The following SH3TC1 variants were observed in gnomAD, a reference collection of about 807,000 sequenced individuals.
SH3TC1 encodes the protein SH3 domain and tetratricopeptide repeat-containing protein 1.
SH3TC1 carries 135 observed loss-of-function variants against 117.3 expected under a neutral mutation model. The ratio of observed to expected loss-of-function variants is 1.15; its 90% CI spans 1.00 to 1.33. SH3TC1 has a LOEUF of 1.33. SH3TC1 is among the 40% of genes most tolerant of loss of function. SH3TC1 has a pLI of 0.00. For synonymous variants in SH3TC1, 898 were observed against 816.9 expected, an observed-to-expected ratio of 1.10 and a Z score of -1.69; for missense variants, 2,092 against 1,794.3, an observed-to-expected ratio of 1.17 and a Z score of -3.00.
intron 7 of SH3TC1, among the ~76,000 whole-genome samples, chr4:8,217,546 G>A (rs1333289666): frequency 6.6e-6 from 1 of 152,246 alleles, no homozygotes; most frequent in Non-Finnish European, 1.5e-5. Flanking sequence ...TGTGAGGACA[G>A]GTGACATGCA....
intron 17 of SH3TC1, among the ~76,000 whole-genome samples, chr4:8,240,238 T>C (rs1399329539): frequency 1.3e-5 from 2 of 152,186 alleles, no homozygotes; most frequent in African/African-American, 4.8e-5. Flanking sequence ...TCAGGGAAGA[T>C]TCCCAGAGAG....
At chr4:8,204,551 C>T (rs1718042902) in intron 1 of SH3TC1, among the ~76,000 whole-genome samples, 1 of 152,226 alleles carries the variant, frequency 6.6e-6, no homozygotes, top group South Asian at 2.1e-4. Context: ...CAAGCCCTCC[C>T]TTTGGGGACA....
chr4:8,235,366 T>G, intron 14 of SH3TC1, 67 bp from the exon 15 acceptor site: 4 of 1,400,822 alleles, frequency 2.9e-6, no homozygotes, highest in East Asian at 2.6e-5. Flanking sequence ...GGCGGGGGAG[T>G]CCGACCTGGG....
rs1721931547 is a variant in SH3TC1, at chr4:8,237,538, T to C, written c.3621T>C (p.His1207=). Residue 1207 remains histidine, a synonymous_variant, in exon 17 of 18, where the codon CAT becomes CAC. Coordinates refer to ENST00000245105, the MANE Select transcript of SH3TC1 (RefSeq NM_018986.5). ...RLAALQHRLG[H]GELAEHFYLK... ...CCGCCCTGCAACACCGACTGGGCCA[T>C]GGCGAGCTGGCAGAGCACTTCTACC... is the stretch of plus-strand genomic sequence containing the variant. 3.1e-6 allele frequency: 5 copies of C among 1,609,660 alleles called. No homozygotes were observed. Among genetic ancestry groups the C allele is most frequent in the Non-Finnish European group, 2.5e-6 (3 of 1,178,720 alleles).
In SH3TC1 at chr4:8,227,639, C is replaced by A; in HGVS notation, c.1945C>A (p.Gln649Lys). The A allele has an allele frequency of 6.5e-7, 1 of 1,527,014 alleles. No homozygotes were observed. The highest frequency in any genetic ancestry group is 8.8e-7 in the Non-Finnish European group (1 of 1,140,480). 94.6% of individuals were successfully genotyped at this position (1,527,014 alleles called of 1,614,324 possible). Residue 649 changes from glutamine (Q) to lysine (K), a missense_variant, in exon 12 of 18, where the codon CAG (glutamine) becomes AAG (lysine). Coordinates refer to ENST00000245105, the MANE Select transcript of SH3TC1 (RefSeq NM_018986.5). ...CACCGAGGCGGAGGGGGAGCTCCTG[C>A]AGCTGGCGCTGCGGCGGGCGGTGGG... ...CSTEAEGELL[Q>K]LALRRAVGGQ...
chr4:8,215,148 C>T (rs1344491782), intron 5 of SH3TC1: 1 of 456,294 alleles, frequency 2.2e-6, no homozygotes, highest in Non-Finnish European at 4.4e-6. Flanking sequence ...TCACACTCTG[C>T]CCTCTGTAAT....
intron 1 of SH3TC1, among the ~76,000 whole-genome samples, chr4:8,204,529 G>GC (rs1718040092): frequency 6.6e-6 from 1 of 152,148 alleles, no homozygotes; most frequent in African/African-American, 2.4e-5. Flanking sequence ...GAACAGTGAG[G>GC]CCCCCCATGA....
In SH3TC1 at chr4:8,209,790, C is replaced by T. The variant is rs760241202; in HGVS notation, c.215C>T (p.Thr72Ile). Residue 72 changes from threonine to isoleucine, a missense_variant, in exon 3 of 18, where the codon ACC becomes ATC. Coordinates refer to ENST00000245105, the MANE Select transcript of SH3TC1 (RefSeq NM_018986.5). The surrounding 1 kb of genome is among the most constrained non-coding windows in gnomAD (Gnocchi z 5.9). Reference sequence around the variant, plus strand: ...CGCGTGGCTGGGCCTGCTGCTGGGACCCCTCCCTGCCAGATGGGGGTTTAT... The same window carrying T: ...CGCGTGGCTGGGCCTGCTGCTGGGATCCCTCCCTGCCAGATGGGGGTTTAT... ...PARVAGPAAG[T>I]PPCQMGVYPT... is the part of the protein sequence containing the mutation. 2 of 1,613,596 alleles carry T rather than the reference C, an allele frequency of 1.2e-6. No homozygotes were observed. Among genetic ancestry groups the T allele is most frequent in the Non-Finnish European group, 1.7e-6 (2 of 1,179,988 alleles).
intron 13 of SH3TC1, 35 bp downstream of exon 13, chr4:8,232,191 G>GC: frequency 2.7e-6 from 1 of 367,488 alleles, no homozygotes; most frequent in African/African-American, 2.3e-5. Context: ...GGGGCGGGGG[G>GC]AGGGGGCAAA....
chr4:8,184,377 C>T (rs1717164779), intron 1 of SH3TC1, among the ~76,000 whole-genome samples: 1 of 152,182 alleles, frequency 6.6e-6, no homozygotes, highest in South Asian at 2.1e-4. Flanking sequence ...CTGTGGGAGG[C>T]AACTTTATTC....
intron 15 of SH3TC1, 54 bp from the exon 16 acceptor site, chr4:8,236,224 C>T (rs1231217015): frequency 1.8e-5 from 27 of 1,496,060 alleles, no homozygotes; most frequent in East Asian, 2.6e-5. Flanking sequence ...CTGAGGAGGG[C>T]GCTGGGCAAG....
upstream of SH3TC1, among the ~76,000 whole-genome samples, chr4:8,197,347 A>G (rs935894301): frequency 4.6e-5 from 7 of 152,048 alleles, no homozygotes; most frequent in Non-Finnish European, 8.8e-5. Context: ...CTGTCTGGAG[A>G]CCCCAGTTTG....
intron 1 of SH3TC1, among the ~76,000 whole-genome samples, chr4:8,200,840 C>G (rs1717784645): frequency 6.6e-6 from 1 of 152,238 alleles, no homozygotes; most frequent in African/African-American, 2.4e-5. Flanking sequence ...CCACTCTCCG[C>G]CCTGGTGGTC....
intron 8 of SH3TC1, 90 bp from the exon 9 acceptor site, chr4:8,219,245 A>G (rs1002490789): frequency 6.9e-6 from 9 of 1,298,152 alleles, no homozygotes; most frequent in Non-Finnish European, 9.4e-6. Context: ...TGAATTCCCC[A>G]TGGTTCAGGG....
At chr4:8,213,624 A>G (rs1718946045) in intron 4 of SH3TC1, among the ~76,000 whole-genome samples, 1 of 152,280 alleles carries the variant, frequency 6.6e-6, no homozygotes. Flanking sequence ...TCAGCGGGAC[A>G]TGGTGGCTCA....
At chr4:8,232,815 T>A in intron 13 of SH3TC1, 1 of 1,284,766 alleles carries the variant, frequency 7.8e-7, no homozygotes, top group South Asian at 1.2e-5. Context: ...GGCCTCAGGT[T>A]CACAGCAGGA....
rs533791145 is a variant in SH3TC1, at chr4:8,237,527, C to T, written c.3610C>T (p.Arg1204Ter). ...CCACCGGCTGGCCGCCCTGCAACACCGACTGGGCCATGGCGAGCTGGCAGA... is the reference window on the plus strand; with the variant it reads ...CCACCGGCTGGCCGCCCTGCAACACTGACTGGGCCATGGCGAGCTGGCAGA... Reference protein sequence around the residue: ...AYHRLAALQHRLGHGELAEHF... With the variant: ...AYHRLAALQH The change falls in exon 17 of 18, where the codon CGA becomes TGA. Residue 1204 changes from arginine to a stop codon, truncating the protein, a stop_gained. Transcript: ENST00000245105. LOFTEE classifies it high-confidence loss of function. 3.7e-5 allele frequency: 60 copies of T among 1,608,140 alleles called. No homozygotes were observed. The highest frequency in any genetic ancestry group is 2.7e-4 in the East Asian group (12 of 44,614).
chr4:8,191,885 C>T (rs774585500), intron 1 of SH3TC1, among the ~76,000 whole-genome samples: 3 of 152,084 alleles, frequency 2.0e-5, no homozygotes, highest in African/African-American at 2.4e-5. Context: ...GGAAAGATGA[C>T]GGGGCTGCTC....
intron 14 of SH3TC1, among the ~76,000 whole-genome samples, chr4:8,234,658 C>T (rs566377666): frequency 6.6e-6 from 1 of 152,356 alleles, no homozygotes; most frequent in African/African-American, 2.4e-5. Context: ...CATTCCTAAG[C>T]CACTGCTGAG....
Sources: allele counts gnomAD v4.1 joint callset (sites outside exome capture counted in the v4.1 genomes callset), GRCh38; gene constraint gnomAD v4.1.1; non-coding constraint Gnocchi (gnomAD v3.1); transcripts MANE v1.5; gene names NCBI Gene and HGNC (gene_info 2026-07-23, HGNC 2026-07-21).